Variants in SLC35F3 observed in about 807,000 individuals in gnomAD.
SLC35F3 encodes putative thiamine transporter SLC35F3.
SLC35F3 carries 25 observed loss-of-function variants against 49.9 expected under a neutral mutation model. The ratio of observed to expected loss-of-function variants is 0.50; its 90% CI spans 0.37 to 0.70. The LOEUF (loss-of-function observed/expected upper bound fraction) is 0.70, where lower values mean the gene tolerates loss of function less well. Among genes scored for constraint, SLC35F3 ranks in the 30% least tolerant of loss-of-function variants. The pLI is 0.00. For synonymous variants in SLC35F3, 275 were observed against 265.4 expected (o/e 1.04, Z -0.35); for missense variants, 525 against 639.8 (o/e 0.82, Z 1.94).
intron 2 of SLC35F3, among the ~76,000 whole-genome samples, chr1:233,918,794 CTCTTTCTCTCTCTCTCTCTCTCTA>C (rs1208715902): frequency 6.2e-5 from 4 of 64,500 alleles, no homozygotes; most frequent in African/African-American, 7.9e-5. Context: ...CTCTCTCTCT[CTCTTTCTCTCTCTCTCTCTCTCTA>C]TATATATATA....
chr1:233,940,981 A>C (rs937798715), intron 2 of SLC35F3, among the ~76,000 whole-genome samples: 1 of 152,198 alleles, frequency 6.6e-6, no homozygotes, highest in Admixed American at 6.5e-5. Context: ...CATGTAGTGG[A>C]TAGGCCATAA....
chr1:234,276,489 T>C (rs1206565278), intron 3 of SLC35F3, among the ~76,000 whole-genome samples: 1 of 152,142 alleles, frequency 6.6e-6, no homozygotes, highest in African/African-American at 2.4e-5. Context: ...GTACACATTC[T>C]AGATAACATT....
intron 3 of SLC35F3, among the ~76,000 whole-genome samples, chr1:234,262,107 G>A (rs1667914249): frequency 6.6e-6 from 1 of 152,182 alleles, no homozygotes; most frequent in South Asian, 2.1e-4. Flanking sequence ...AATGCTGGAG[G>A]GTAAAGTGAT....
intron 2 of SLC35F3, among the ~76,000 whole-genome samples, chr1:234,020,962 C>T (rs1308238976): frequency 2.0e-5 from 3 of 152,202 alleles, no homozygotes; most frequent in Non-Finnish European, 4.4e-5. Context: ...GTGGGGAATG[C>T]ACAGCTGGTT....
At chr1:234,080,092 G>T (rs958899160) in intron 2 of SLC35F3, among the ~76,000 whole-genome samples, 5 of 152,264 alleles carry the variant, frequency 3.3e-5, no homozygotes, top group Admixed American at 3.3e-4. Context: ...AGAACTTTCA[G>T]CCCCACCCCC....
intron 3 of SLC35F3, among the ~76,000 whole-genome samples, chr1:234,254,608 T>C (rs1667787863): frequency 6.6e-6 from 1 of 152,148 alleles, no homozygotes; most frequent in Non-Finnish European, 1.5e-5. Context: ...TATCCCAGGG[T>C]AATAAAAAGG....
intron 2 of SLC35F3, among the ~76,000 whole-genome samples, chr1:234,104,383 T>C (rs1665253540): frequency 6.6e-6 from 1 of 151,930 alleles, no homozygotes; most frequent in South Asian, 2.1e-4. Flanking sequence ...GAAAGAAAAA[T>C]CAGCCCTGTT....
chr1:234,310,439 C>T (rs973741398), intron 4 of SLC35F3, among the ~76,000 whole-genome samples: 4 of 152,242 alleles, frequency 2.6e-5, no homozygotes, highest in East Asian at 3.9e-4. Flanking sequence ...ATTTTTAGCT[C>T]GCAGTAGGGG....
At chr1:233,996,823 A>T (rs187973894) in intron 2 of SLC35F3, among the ~76,000 whole-genome samples, 27 of 152,258 alleles carry the variant, frequency 1.8e-4, no homozygotes, top group African/African-American at 6.5e-4. Context: ...AAAGTGAGAA[A>T]ACTGAAGTTC....
chr1:234,104,592 AT>A (rs764708580), intron 2 of SLC35F3, among the ~76,000 whole-genome samples: 1 of 152,146 alleles, frequency 6.6e-6, no homozygotes, highest in Non-Finnish European at 1.5e-5. Flanking sequence ...TGTAGCAAAT[AT>A]TTTCTTTCAG....
intron 2 of SLC35F3, among the ~76,000 whole-genome samples, chr1:234,028,643 C>T (rs559898773): frequency 5.3e-5 from 8 of 152,052 alleles, no homozygotes; most frequent in South Asian, 2.1e-4. Flanking sequence ...TATGTGTTGA[C>T]GGGAAAGAAA....
chr1:234,133,044 G>A, intron 2 of SLC35F3, among the ~76,000 whole-genome samples: 1 of 152,186 alleles, frequency 6.6e-6, no homozygotes, highest in Admixed American at 6.5e-5. Flanking sequence ...TGAGTAACTT[G>A]TCTAGGATCC....
intron 2 of SLC35F3, among the ~76,000 whole-genome samples, chr1:234,018,857 A>G (rs527528328): frequency 2.6e-5 from 4 of 152,224 alleles, no homozygotes; most frequent in African/African-American, 7.2e-5. Context: ...TTAAGCATCT[A>G]TTTTCTTTCG....
At chr1:233,912,302 A>G (rs1306756051) in intron 2 of SLC35F3, among the ~76,000 whole-genome samples, 2 of 151,964 alleles carry the variant, frequency 1.3e-5, no homozygotes, top group East Asian at 3.9e-4. Context: ...AGATGGTGAA[A>G]CCCCGTCTCT....
At chr1:234,292,322 G>C (rs1668522441) in intron 3 of SLC35F3, among the ~76,000 whole-genome samples, 1 of 152,256 alleles carries the variant, frequency 6.6e-6, no homozygotes, top group Non-Finnish European at 1.5e-5. Context: ...GGCTTGCATA[G>C]ACAACATGGT....
rs900001926 is a variant in SLC35F3 at position 233,905,129 on chromosome 1, G to T, written c.52G>T (p.Val18Phe). Residue 18 changes from valine to phenylalanine, a missense_variant and splice_region_variant, in exon 1 of 8, where the codon GTT becomes TTT. By Grantham distance (50) the Val-to-Phe change is conservative (BLOSUM62 -1). Transcript: ENST00000366618. ...SGAPRGKSIA[V>F]GMRRSPDVSP... ...CGCACCCAGGGGCAAGAGCATTGCC[G>T]TGTGAGTAGCGCCCCGGGCGTGGGT... 5 of 1,556,568 alleles carry T rather than the reference G, an allele frequency of 3.2e-6. No individual in the cohort carries two copies. In the African/African-American group the frequency reaches 5.4e-5, roughly 17 times the overall value.
chr1:233,933,562 G>A (rs978043875), intron 2 of SLC35F3, among the ~76,000 whole-genome samples: 6 of 152,170 alleles, frequency 3.9e-5, no homozygotes, highest in African/African-American at 1.4e-4. Context: ...TCAGGGGTTG[G>A]GAAGTAAGAA....
chr1:233,961,420 T>G (rs1662798788), intron 2 of SLC35F3, among the ~76,000 whole-genome samples: 3 of 150,748 alleles, frequency 2.0e-5, no homozygotes, highest in Non-Finnish European at 3.0e-5. Flanking sequence ...CCGACTGACG[T>G]GTCCTCATTT....
At chr1:234,054,585 C>A (rs1664427542) in intron 2 of SLC35F3, among the ~76,000 whole-genome samples, 1 of 152,174 alleles carries the variant, frequency 6.6e-6, no homozygotes, top group Non-Finnish European at 1.5e-5. Flanking sequence ...TGGGTTCGAA[C>A]ATTCTCCTTT....
Sources: allele counts gnomAD v4.1 joint callset (sites outside exome capture counted in the v4.1 genomes callset), GRCh38; gene constraint gnomAD v4.1.1; transcripts MANE v1.5; gene names NCBI Gene and HGNC (gene_info 2026-07-23, HGNC 2026-07-21).